DCP1A: variants seen among roughly 807,000 people sequenced by gnomAD.
DCP1A encodes the protein decapping mRNA 1A, also known as mRNA-decapping enzyme 1A.
In DCP1A, 20 loss-of-function variants were observed where a neutral mutation model predicts 58.0. That is an observed-to-expected ratio of 0.34 (90% CI 0.24 to 0.50). The LOEUF (loss-of-function observed/expected upper bound fraction) is 0.50, where lower values mean the gene tolerates loss of function less well. Among genes scored for constraint, DCP1A ranks in the 20% least tolerant of loss-of-function variants. The pLI is 0.98. For synonymous variants in DCP1A, 285 were observed against 275.1 expected, an observed-to-expected ratio of 1.04 and a Z score of -0.36; for missense variants, 613 against 712.2, an observed-to-expected ratio of 0.86 and a Z score of 1.59.
intron 6 of DCP1A, among the ~76,000 whole-genome samples, chr3:53,298,326 TC>T (rs1707197067): frequency 6.6e-6 from 1 of 152,202 alleles, no homozygotes. Context: ...CTATGCTGCC[TC>T]CCTATAACTA....
At chr3:53,332,021 T>C (rs192717795) in intron 3 of DCP1A, among the ~76,000 whole-genome samples, 2 of 152,248 alleles carry the variant, frequency 1.3e-5, no homozygotes, top group African/African-American at 4.8e-5. Context: ...ATGTTGCTTG[T>C]AGCAGGTATG....
chr3:53,327,302 T>TG (rs1318416189), intron 3 of DCP1A, among the ~76,000 whole-genome samples: 2 of 152,116 alleles, frequency 1.3e-5, no homozygotes, highest in Non-Finnish European at 2.9e-5. Flanking sequence ...CCTCAGGGTG[T>TG]GGTGAGATCA....
At chr3:53,344,177 C>G (rs1179846950) in intron 2 of DCP1A, among the ~76,000 whole-genome samples, 1 of 151,870 alleles carries the variant, frequency 6.6e-6, no homozygotes, top group African/African-American at 2.4e-5. Context: ...TCAGTAATAA[C>G]TCCTGCTGAC....
At chr3:53,297,376 T>C (rs1420786141) in intron 6 of DCP1A, among the ~76,000 whole-genome samples, 2 of 151,002 alleles carry the variant, frequency 1.3e-5, no homozygotes, top group African/African-American at 4.9e-5. Flanking sequence ...TTTTTTTTAA[T>C]TTTTGAGATG....
At chr3:53,296,139 C>T (rs1279546062) in intron 6 of DCP1A, among the ~76,000 whole-genome samples, 5 of 152,138 alleles carry the variant, frequency 3.3e-5, no homozygotes, top group Non-Finnish European at 5.9e-5. Flanking sequence ...AGGTGATCTG[C>T]GTGCCGCGGC....
intron 3 of DCP1A, among the ~76,000 whole-genome samples, chr3:53,330,375 T>C (rs537333571): frequency 6.6e-6 from 1 of 151,894 alleles, no homozygotes; most frequent in Non-Finnish European, 1.5e-5. Context: ...CTACAAAAAA[T>C]TTGCAGAGAC....
Position 53,306,645 on chromosome 3 carries a change from C to T in DCP1A, c.511-2355G>A, listed in dbSNP as rs185112708. ...AATTAGCCAGGCGTGGTGGTGGGCG[C>T]CTGTAGTCCCAGCTACTCGGGAGGC... On this transcript the variant is annotated intron_variant, in intron 5 of 9. Coordinates refer to ENST00000610213, the MANE Select transcript of DCP1A (RefSeq NM_018403.7). Among the ~76,000 whole-genome samples the T allele has an allele frequency of 1.9e-3, 283 of 151,830 alleles. 1 individual carries two copies. The highest frequency in any genetic ancestry group is 7.4e-4 in the Non-Finnish European group (50 of 67,948).
Position 53,343,531 on chromosome 3 carries a change from G to A in DCP1A, c.177-1260C>T, listed in dbSNP as rs544549342. On this transcript the variant is annotated intron_variant, in intron 2 of 9. Transcript: ENST00000610213. ...TTTACCAAATATCATAGAAACTAAG[G>A]TTCTAATAACAGAGTTTCTAGAGAT... 3.3e-5 allele frequency among the ~76,000 whole-genome samples: 5 copies of A among 152,284 alleles called. No homozygotes were observed. The South Asian group carries it at 1.0e-3, about 32-fold the overall frequency.
intron 2 of DCP1A, among the ~76,000 whole-genome samples, 154 bp downstream of exon 2, chr3:53,344,748 A>C (rs541600904): frequency 6.6e-6 from 1 of 152,350 alleles, no homozygotes; most frequent in East Asian, 1.9e-4. Flanking sequence ...GAGAAAAGAA[A>C]GAACCTGGTT....
chr3:53,330,819 ATATATATTT>A (rs1261585964), intron 3 of DCP1A, among the ~76,000 whole-genome samples: 3 of 106,426 alleles, frequency 2.8e-5, no homozygotes, highest in Non-Finnish European at 6.4e-5. Context: ...ATACACATAT[ATATATATTT>A]TTTTTTTTTT....
At chr3:53,321,067 G>T (rs1707951079) in intron 3 of DCP1A, among the ~76,000 whole-genome samples, 1 of 152,258 alleles carries the variant, frequency 6.6e-6, no homozygotes, top group Non-Finnish European at 1.5e-5. Context: ...TTCAGTCTAG[G>T]AGAGGAATGA....
chr3:53,326,600 T>C lies in DCP1A; in HGVS notation c.305-7127A>G, dbSNP rs191247546. The stretch of plus-strand genomic sequence containing the variant: ...GATCAGCTGTGGCAATAGATTCTCA[T>C]AGGAGCTCCAGCCCTACTGTGAACT... On this transcript the variant is annotated intron_variant, in intron 3 of 9. Coordinates refer to ENST00000610213, the MANE Select transcript of DCP1A (RefSeq NM_018403.7). 2.1e-3 allele frequency among the ~76,000 whole-genome samples: 317 copies of C among 152,308 alleles called. 2 individuals carry two copies. The highest frequency in any genetic ancestry group is 7.4e-3 in the African/African-American group (306 of 41,572).
At chr3:53,342,336 T>C in intron 2 of DCP1A, 65 bp from the exon 3 acceptor site, 1 of 1,165,746 alleles carries the variant, frequency 8.6e-7, no homozygotes, top group African/African-American at 1.6e-5. Context: ...TGTTATCTAC[T>C]ATGTACTTTA....
rs1575594100 is a variant in DCP1A, at chr3:53,292,905, A to C, written c.625-78T>G. ...AACCAAACTTCTTTTCCAGAAGCCA[A>C]AGATTTTGCAGAATCAAGGATGGAT... On this transcript the variant is annotated intron_variant, in intron 6 of 9. Coordinates refer to ENST00000610213, the MANE Select transcript of DCP1A (RefSeq NM_018403.7). 10 of 1,443,494 alleles carry C rather than the reference A, an allele frequency of 6.9e-6. No homozygotes were observed. The East Asian group carries it at 2.3e-4, about 33-fold the overall frequency. 89.4% of individuals were successfully genotyped at this position (1,443,494 alleles called of 1,614,324 possible).
chr3:53,291,096 G>A (rs1205888987), intron 7 of DCP1A, among the ~76,000 whole-genome samples: 2 of 152,058 alleles, frequency 1.3e-5, no homozygotes, highest in Admixed American at 6.6e-5. Flanking sequence ...AGCTCCTGAG[G>A]GAAGGGGTGT....
intron 5 of DCP1A, among the ~76,000 whole-genome samples, chr3:53,311,797 C>T (rs532114100): frequency 2.6e-5 from 4 of 152,284 alleles, no homozygotes; most frequent in Middle Eastern, 3.4e-3. Context: ...CTAGCTGCTG[C>T]GAGCTAACTT....
rs181093897 is a variant in DCP1A, at chr3:53,337,110, G to A, written c.304+5034C>T. Among the ~76,000 whole-genome samples, 241 of 152,214 alleles carry A rather than the reference G, an allele frequency of 1.6e-3. 1 individual carries two copies. The highest frequency in any genetic ancestry group is 5.5e-3 in the African/African-American group (229 of 41,542). On this transcript the variant is annotated intron_variant, in intron 3 of 9. Coordinates refer to ENST00000610213, the MANE Select transcript of DCP1A (RefSeq NM_018403.7). Reference sequence around the variant, plus strand: ...TGGTCTTGAACTCCTGACCGCAGGTGATCCACCCGCCTTGGCCTCCCAAAG... The same window carrying A: ...TGGTCTTGAACTCCTGACCGCAGGTAATCCACCCGCCTTGGCCTCCCAAAG...
rs1332918105 is a variant in DCP1A at position 53,336,218 on chromosome 3, C to T, written c.304+5926G>A. ...TCCCGGGTTCAAACGATTCTTCTGA[C>T]TCAGTCTCTCCCGAGTAGCTGGGAT... On this transcript the variant is annotated intron_variant, in intron 3 of 9. Transcript: ENST00000610213. Among the ~76,000 whole-genome samples the T allele has an allele frequency of 2.0e-5, 3 of 152,188 alleles. No homozygotes were observed. In the South Asian group the frequency reaches 6.2e-4, roughly 32 times the overall value.
At position 53,287,607 on chromosome 3, in the gene DCP1A, G is replaced by A; in HGVS notation, c.1722C>T (p.Thr574=). ...TLHEVYLQVL[T]KNKDNHNL is the part of the protein sequence containing the mutation. ...ATAGGTTGTGGTTGTCTTTGTTCTT[G>A]GTCAGAACCTGCAAGTAGACTTCAT... Residue 574 remains threonine (T), a synonymous_variant, in exon 10 of 10, where the codon ACC becomes ACT. Transcript: ENST00000610213. The A allele has an allele frequency of 6.2e-7, 1 of 1,611,420 alleles. No homozygotes were observed. The highest frequency in any genetic ancestry group is 1.3e-5 in the African/African-American group (1 of 74,862).
Sources: allele counts gnomAD v4.1 joint callset (sites outside exome capture counted in the v4.1 genomes callset), GRCh38; gene constraint gnomAD v4.1.1; transcripts MANE v1.5; gene names NCBI Gene and HGNC (gene_info 2026-07-23, HGNC 2026-07-21).